DPYSL4: variants seen among roughly 807,000 people sequenced by gnomAD.
The protein encoded by DPYSL4 is dihydropyrimidinase like 4.
In DPYSL4, 43 loss-of-function variants were observed where a neutral mutation model predicts 63.4. That is an observed-to-expected ratio of 0.68 (90% CI 0.53 to 0.88). The LOEUF (loss-of-function observed/expected upper bound fraction) is 0.88, where lower values mean the gene tolerates loss of function less well. Among genes scored for constraint, DPYSL4 ranks in the 40% least tolerant of loss-of-function variants. The pLI, the probability that DPYSL4 is intolerant of heterozygous loss-of-function variation, is 0.00. For synonymous variants in DPYSL4, 353 were observed against 331.7 expected, an observed-to-expected ratio of 1.06 and a Z score of -0.70; for missense variants, 733 against 819.5, an observed-to-expected ratio of 0.89 and a Z score of 1.29.
chr10:132,201,332 C>T (rs536078619), intron 10 of DPYSL4, among the ~76,000 whole-genome samples: 3 of 152,296 alleles, frequency 2.0e-5, no homozygotes, highest in African/African-American at 7.2e-5. Context: ...CCGCCCTGTC[C>T]TGCGCCCTCC....
At chr10:132,193,704 A>G (rs180964923) in intron 3 of DPYSL4, among the ~76,000 whole-genome samples, 4 of 152,352 alleles carry the variant, frequency 2.6e-5, no homozygotes, top group East Asian at 1.9e-4. Context: ...GCTGGCTTTT[A>G]TAAGTCACAC....
chr10:132,187,016 C>T lies in DPYSL4; in HGVS notation c.-48C>T, dbSNP rs1590084352. On this transcript the variant is annotated 5_prime_UTR_variant, in exon 1 of 14. Coordinates refer to ENST00000338492, the MANE Select transcript of DPYSL4 (RefSeq NM_006426.3). Reference sequence around the variant, plus strand: ...GCGTCCCCCCGCCCGCCCGCCCGCCCGCCCGCCCCCGCTTGTGCCGCCCCT... The same window carrying T: ...GCGTCCCCCCGCCCGCCCGCCCGCCTGCCCGCCCCCGCTTGTGCCGCCCCT... 2.7e-5 allele frequency: 7 copies of T among 258,850 alleles called. 1 individual carries two copies. Among genetic ancestry groups the T allele is most frequent in the South Asian group, 1.7e-4 (2 of 12,076 alleles). The allele number at this position is 258,850 out of a possible 1,614,324, so 16.0% of individuals were successfully genotyped here.
At chr10:132,197,146 GTGGGGCAGGGGCTGCCT>G in intron 6 of DPYSL4, 45 bp downstream of exon 6, 1 of 1,446,028 alleles carries the variant, frequency 6.9e-7, no homozygotes, top group South Asian at 1.4e-5. Context: ...AGGGGCTGCC[GTGGGGCAGGGGCTGCCT>G]GTGGGGTGGG....
chr10:132,187,027 G>T lies in DPYSL4; in HGVS notation c.-37G>T, dbSNP rs747210665. On this transcript the variant is annotated 5_prime_UTR_variant, in exon 1 of 14. Transcript: ENST00000338492. ...CCCGCCCGCCCGCCCGCCCGCCCCCGCTTGTGCCGCCCCTACCAGAGACCC... is the reference window on the plus strand; with the variant it reads ...CCCGCCCGCCCGCCCGCCCGCCCCCTCTTGTGCCGCCCCTACCAGAGACCC... 1.3e-5 allele frequency: 2 copies of T among 155,590 alleles called. No individual in the cohort carries two copies. Among genetic ancestry groups the T allele is most frequent in the Non-Finnish European group, 1.9e-5 (2 of 105,518 alleles). The allele number at this position is 155,590 out of a possible 1,614,324, so 9.6% of individuals were successfully genotyped here.
intron 8 of DPYSL4, among the ~76,000 whole-genome samples, chr10:132,199,618 C>T (rs545038546): frequency 2.1e-5 from 3 of 144,306 alleles, no homozygotes; most frequent in South Asian, 4.3e-4. Flanking sequence ...TCCTGCTGTC[C>T]GCACTGAGTC....
In DPYSL4 at chr10:132,194,939, C is replaced by A. The variant is rs757530178; in HGVS notation, c.408C>A (p.Ser136=). The A allele has an allele frequency of 1.9e-6, 3 of 1,612,010 alleles. No individual in the cohort carries two copies. Reference sequence around the variant, plus strand: ...ACAGCGCGGCCTGCTGCGACTACTCCCTGCACGTGGACATCACCCGATGGC... The same window carrying A: ...ACAGCGCGGCCTGCTGCGACTACTCACTGCACGTGGACATCACCCGATGGC... The part of the protein sequence containing the change: ...RADSAACCDY[S]LHVDITRWHE... The change falls in exon 4 of 14, where the codon TCC becomes TCA. Residue 136 remains serine, a synonymous_variant. Coordinates refer to ENST00000338492, the MANE Select transcript of DPYSL4 (RefSeq NM_006426.3).
chr10:132,193,590 G>A (rs539864596), intron 3 of DPYSL4, among the ~76,000 whole-genome samples: 17 of 152,358 alleles, frequency 1.1e-4, no homozygotes, highest in South Asian at 2.1e-4. Context: ...ACTCTGCGGC[G>A]TCCGTCTGGC....
At position 132,203,742 on chromosome 10, in the gene DPYSL4, T is replaced by A; in HGVS notation, c.1462-20T>A. On this transcript the variant is annotated intron_variant, in intron 12 of 13. Transcript: ENST00000338492. ...GGCTCAGCCCCTCATGCCCTGTCTC[T>A]GCCCCCACCCCCCCGGCAGCTGGCG... 6.3e-7 allele frequency: 1 copy of A among 1,591,040 alleles called. No homozygotes were observed. The highest frequency in any genetic ancestry group is 1.1e-5 in the South Asian group (1 of 89,576).
intron 3 of DPYSL4, among the ~76,000 whole-genome samples, chr10:132,194,580 G>A (rs2137507670): frequency 6.6e-6 from 1 of 150,958 alleles, no homozygotes; most frequent in East Asian, 1.9e-4. Context: ...GGGATGGTTT[G>A]GGGTGGGGCT....
chr10:132,202,823 A>G lies in DPYSL4; in HGVS notation c.1459A>G (p.Arg487Gly). 1 of 1,589,280 alleles carries G rather than the reference A, an allele frequency of 6.3e-7. No homozygotes were observed. The highest frequency in any genetic ancestry group is 2.2e-5 in the East Asian group (1 of 44,652). ...CTACAAGAGGATCAAAGCTCGCAAC[A>G]GGGTAGGGCGGCACCCGCAAGGGTG... ...FVYKRIKARN[R>G]LAEIHGVPRG... The change falls in exon 12 of 14, where the codon AGG (arginine) becomes GGG (glycine). Residue 487 changes from arginine to glycine, a missense_variant and splice_region_variant. Arg to Gly is a moderately radical substitution (Grantham distance 125). Transcript: ENST00000338492.
Position 132,192,817 on chromosome 10 carries a change from G to A in DPYSL4, c.288G>A (p.Ala96=), listed in dbSNP as rs142741301. The A allele has an allele frequency of 1.2e-4, 186 of 1,611,800 alleles. No homozygotes were observed. Among genetic ancestry groups the A allele is most frequent in the Non-Finnish European group, 1.4e-4 (162 of 1,179,406 alleles). The part of the protein sequence containing the change: ...ADDFCQGTKA[A]LAGGTTMILD... ...ACTTCTGTCAGGGCACCAAGGCAGC[G>A]CTAGCAGGAGGAACCACCATGATCT... Residue 96 remains alanine, a synonymous_variant, in exon 3 of 14, where the codon GCG becomes GCA. Coordinates refer to ENST00000338492, the MANE Select transcript of DPYSL4 (RefSeq NM_006426.3).
chr10:132,204,816 G>A, intron 13 of DPYSL4, 23 bp from the exon 14 acceptor site: 1 of 1,590,926 alleles, frequency 6.3e-7, no homozygotes, highest in South Asian at 1.1e-5. Flanking sequence ...ATTCTCCCCT[G>A]CCCATCTGTG....
Position 132,204,993 on chromosome 10 carries a change from A to C in DPYSL4, c.*63A>C. The C allele has an allele frequency of 7.5e-7, 1 of 1,328,466 alleles. No homozygotes were observed. The highest frequency in any genetic ancestry group is 1.4e-5 in the South Asian group (1 of 71,820). The allele number at this position is 1,328,466 out of a possible 1,614,324, so 82.3% of individuals were successfully genotyped here. A position where few individuals can be genotyped will look rare whatever the true frequency, so the allele number is the denominator to read the frequency against. On this transcript the variant is annotated 3_prime_UTR_variant, in exon 14 of 14. Coordinates refer to ENST00000338492, the MANE Select transcript of DPYSL4 (RefSeq NM_006426.3). ...CCCGAGGCCGCGGGGGCCCCAGGGC[A>C]CTCGCCCCCCTCCTTAGCATTTTCT...
chr10:132,196,780 T>G, intron 4 of DPYSL4, 81 bp from the exon 5 acceptor site: 1 of 1,528,098 alleles, frequency 6.5e-7, no homozygotes, highest in Non-Finnish European at 9.0e-7. Context: ...CCCCCAACCC[T>G]CCAGTGGGCA....
At chr10:132,198,047 C>A (rs1017397230) in intron 6 of DPYSL4, among the ~76,000 whole-genome samples, 1 of 152,222 alleles carries the variant, frequency 6.6e-6, no homozygotes, top group Non-Finnish European at 1.5e-5. Context: ...GAGTGGTCGT[C>A]CATTCCTGAC....
Position 132,192,719 on chromosome 10 carries a change from A to T in DPYSL4, c.190A>T (p.Met64Leu), listed in dbSNP as rs1350340035. The T allele has an allele frequency of 6.2e-7, 1 of 1,613,442 alleles. No homozygotes were observed. The highest frequency in any genetic ancestry group is 8.5e-7 in the Non-Finnish European group (1 of 1,179,952). The part of the protein sequence containing the change: ...GIKTIDAHGL[M>L]VLPGGVDVHT... Reference sequence around the variant, plus strand: ...CAAGACCATTGACGCCCACGGCCTGATGGTCCTTCCTGGTGGCGTTGACGT... The same window carrying T: ...CAAGACCATTGACGCCCACGGCCTGTTGGTCCTTCCTGGTGGCGTTGACGT... The change falls in exon 3 of 14, where the codon ATG (methionine) becomes TTG (leucine). Residue 64 changes from methionine (M) to leucine (L), a missense_variant. By Grantham distance (15) the Met-to-Leu change is conservative. Coordinates refer to ENST00000338492, the MANE Select transcript of DPYSL4 (RefSeq NM_006426.3).
intron 1 of DPYSL4, among the ~76,000 whole-genome samples, chr10:132,189,879 A>G (rs1464372720): frequency 1.3e-5 from 2 of 152,180 alleles, no homozygotes; most frequent in African/African-American, 4.8e-5. Context: ...TGGAGTCCCC[A>G]GGCCTACATA....
chr10:132,203,983 G>A, intron 13 of DPYSL4, 56 bp downstream of exon 13: 2 of 1,550,058 alleles, frequency 1.3e-6, no homozygotes, highest in East Asian at 2.3e-5. Flanking sequence ...AGCATCCAGG[G>A]CCTCAGGTAC....
chr10:132,192,389 A>G (rs2061889749), intron 2 of DPYSL4: 4 of 1,108,408 alleles, frequency 3.6e-6, no homozygotes, highest in Non-Finnish European at 4.4e-6. Flanking sequence ...CTCTAGTCAA[A>G]AAAGTACCAA....
Sources: gnomAD v4.1 joint callset for allele counts (sites outside exome capture counted in the v4.1 genomes callset) on GRCh38, gnomAD v4.1.1 for gene constraint, MANE v1.5 for transcripts, NCBI Gene and HGNC (gene_info 2026-07-23, HGNC 2026-07-21) for gene names.